RICTOR: variants seen among roughly 807,000 people sequenced by gnomAD.
RICTOR encodes the protein rapamycin-insensitive companion of mTOR.
RICTOR carries 49 observed loss-of-function variants against 214.9 expected under a neutral mutation model. That is an observed-to-expected ratio of 0.23 (90% CI 0.18 to 0.29). The LOEUF is 0.29. RICTOR is among the 10% of genes least tolerant of loss of function. RICTOR has a pLI of 1.00. For missense variants in RICTOR, 1,625 were observed against 2,047.0 expected, an observed-to-expected ratio of 0.79 and a Z score of 3.98; for synonymous variants, 717 against 711.3, an observed-to-expected ratio of 1.01 and a Z score of -0.13.
chr5:39,007,496 A>G (rs1239278), intron 3 of RICTOR, among the ~76,000 whole-genome samples: 5,027 of 152,182 alleles, frequency 0.033, 137 homozygotes, highest in South Asian at 0.082. Context: ...CAACATACGA[A>G]TTTTGACGAG....
intron 8 of RICTOR, among the ~76,000 whole-genome samples, chr5:38,979,083 A>C (rs917804787): frequency 2.0e-5 from 3 of 152,198 alleles, no homozygotes; most frequent in Non-Finnish European, 1.5e-5. Context: ...TTGCTGGTAT[A>C]AAGAAAATCC....
intron 7 of RICTOR, among the ~76,000 whole-genome samples, chr5:38,987,778 GTTCTT>G (rs1254464576): frequency 6.6e-6 from 1 of 151,904 alleles, no homozygotes; most frequent in African/African-American, 2.4e-5. Context: ...TGCTTCTCTA[GTTCTT>G]TTAATTGTAA....
Position 38,959,879 on chromosome 5 carries a change from A to G in RICTOR, c.1951T>C (p.Leu651=). ...KPERSLQNNG[L]LTTLSQHYFL... The stretch of plus-strand genomic sequence containing the variant: ...TAGTGTTGACTAAGGGTGGTCAATA[A>G]ACCATTATTTTGAAGACTTCTTTCG... Residue 651 remains leucine, a synonymous_variant, in exon 21 of 38, where the codon TTA becomes CTA. Coordinates refer to ENST00000357387, the MANE Select transcript of RICTOR (RefSeq NM_152756.5). 6.2e-7 allele frequency: 1 copy of G among 1,612,856 alleles called. No individual in the cohort carries two copies. The highest frequency in any genetic ancestry group is 8.5e-7 in the Non-Finnish European group (1 of 1,178,964).
chr5:38,998,053 A>C (rs559612072), intron 5 of RICTOR, among the ~76,000 whole-genome samples: 1 of 152,344 alleles, frequency 6.6e-6, no homozygotes, highest in South Asian at 2.1e-4. Context: ...TCTAAGAAAT[A>C]GGTAAAGGTT....
intron 2 of RICTOR, among the ~76,000 whole-genome samples, chr5:39,055,451 T>C (rs1239356506): frequency 2.2e-5 from 3 of 133,800 alleles, no homozygotes; most frequent in Admixed American, 7.8e-5. Flanking sequence ...TACCTGATTT[T>C]ACACTATTAA....
At position 38,940,488 on chromosome 5, in the gene RICTOR, C is replaced by T. The variant is rs1289235396; in HGVS notation, c.*1816G>A. ...TATCCAAGACCAAAGACCACGATGA[C>T]AGGCAACGTTCTTAGAAGTACTGTT... On this transcript the variant is annotated 3_prime_UTR_variant, in exon 38 of 38. Coordinates refer to ENST00000357387, the MANE Select transcript of RICTOR (RefSeq NM_152756.5). 1 of 232,642 alleles carries T rather than the reference C, an allele frequency of 4.3e-6. No homozygotes were observed. The highest frequency in any genetic ancestry group is 2.2e-5 in the African/African-American group (1 of 45,292). The allele number at this position is 232,642 out of a possible 1,614,324, so 14.4% of individuals were successfully genotyped here.
At chr5:38,956,860 G>A (rs1303416449) in intron 25 of RICTOR, among the ~76,000 whole-genome samples, 1 of 151,972 alleles carries the variant, frequency 6.6e-6, no homozygotes, top group Non-Finnish European at 1.5e-5. Flanking sequence ...AAGACTTCAT[G>A]CCTTAAGTTG....
intron 9 of RICTOR, among the ~76,000 whole-genome samples, chr5:38,977,244 C>T (rs940691408): frequency 1.3e-5 from 2 of 152,172 alleles, no homozygotes; most frequent in African/African-American, 4.8e-5. Flanking sequence ...ATCTGAATGA[C>T]CTTGGAAGTG....
At position 38,952,966 on chromosome 5, in the gene RICTOR, T is replaced by G. The variant is rs758124137; in HGVS notation, c.2897+19A>C. 3.5e-6 allele frequency: 5 copies of G among 1,444,494 alleles called. No individual in the cohort carries two copies. The East Asian group carries it at 6.8e-5, about 20-fold the overall frequency. The allele number at this position is 1,444,494 out of a possible 1,614,324, so 89.5% of individuals were successfully genotyped here. ...TAACAACGTCTACATTAGAAAGATT[T>G]CTGAGTTAAATGACCTACCCTCTGA... On this transcript the variant is annotated intron_variant, in intron 29 of 37. Transcript: ENST00000357387.
In RICTOR at chr5:38,950,530, G is replaced by A; in HGVS notation, c.3318C>T (p.Asn1106=). The change falls in exon 31 of 38, where the codon AAC becomes AAT. Residue 1106 remains asparagine (N), a synonymous_variant. Transcript: ENST00000357387. ...GATCACTGCTACTACGATGTTTTTT[G>A]TTAGGCAAAGTAAGCGAATTTAAGA... is the stretch of plus-strand genomic sequence containing the variant. ...NRILNSLTLP[N]KKHRSSSDPK... is the part of the protein sequence containing the mutation. The A allele has an allele frequency of 6.2e-7, 1 of 1,612,730 alleles. No homozygotes were observed. The highest frequency in any genetic ancestry group is 1.1e-5 in the South Asian group (1 of 90,938).
chr5:38,952,822 T>C (rs1409175698), intron 29 of RICTOR, among the ~76,000 whole-genome samples, 163 bp downstream of exon 29: 1 of 151,996 alleles, frequency 6.6e-6, no homozygotes, highest in Non-Finnish European at 1.5e-5. Flanking sequence ...AACAAGGAGT[T>C]CGTTTAGATG....
chr5:39,018,887 A>C (rs1309616677), intron 3 of RICTOR, among the ~76,000 whole-genome samples: 1 of 152,206 alleles, frequency 6.6e-6, no homozygotes, highest in Non-Finnish European at 1.5e-5. Flanking sequence ...TGAGACAAAC[A>C]GGTAGCCAAC....
At chr5:39,004,776 CTTTTTTTTT>C (rs70982534) in intron 3 of RICTOR, among the ~76,000 whole-genome samples, 4,540 of 105,856 alleles carry the variant, frequency 0.043, 133 homozygotes, top group South Asian at 0.11. Flanking sequence ...CTCTCAGACT[CTTTTTTTTT>C]TTTTTTTTTT....
intron 30 of RICTOR, among the ~76,000 whole-genome samples, chr5:38,951,372 G>A (rs948671651): frequency 3.3e-5 from 5 of 151,780 alleles, no homozygotes; most frequent in Non-Finnish European, 7.4e-5. Flanking sequence ...TTTCAAAGAA[G>A]GTAAAAGAAA....
At chr5:38,961,485 C>A (rs2150020887) in intron 19 of RICTOR, among the ~76,000 whole-genome samples, 1 of 152,214 alleles carries the variant, frequency 6.6e-6, no homozygotes, top group Non-Finnish European at 1.5e-5. Context: ...AACATTATAT[C>A]TTTCAACATT....
intron 5 of RICTOR, among the ~76,000 whole-genome samples, chr5:39,001,510 A>C (rs555033575): frequency 6.6e-6 from 1 of 152,092 alleles, no homozygotes; most frequent in Non-Finnish European, 1.5e-5. Flanking sequence ...GAAAACACAG[A>C]TCTCTTCCAA....
intron 14 of RICTOR, 22 bp from the exon 15 acceptor site, chr5:38,966,743 A>C: frequency 8.0e-7 from 1 of 1,244,620 alleles, no homozygotes; most frequent in Non-Finnish European, 1.2e-6. Context: ...AAAAGATAAC[A>C]CCACTGTTGC....
intron 2 of RICTOR, among the ~76,000 whole-genome samples, chr5:39,048,194 C>G (rs1360283591): frequency 2.0e-5 from 3 of 152,160 alleles, no homozygotes; most frequent in Non-Finnish European, 4.4e-5. Context: ...TCCAGGCCTA[C>G]TGAACCAGAC....
In RICTOR at chr5:38,998,702, A is replaced by G. The variant is rs565658033; in HGVS notation, c.393-1820T>C. ...AAGAAAAGATGAAGAAATGAAGCGG[A>G]GACCTGAAATCTTTAAATAAAACTA... On this transcript the variant is annotated intron_variant, in intron 5 of 37. Transcript: ENST00000357387. Among the ~76,000 whole-genome samples, 5 of 152,316 alleles carry G rather than the reference A, an allele frequency of 3.3e-5. No individual in the cohort carries two copies. The East Asian group carries it at 9.7e-4, about 29-fold the overall frequency.
Sources: allele counts gnomAD v4.1 joint callset (sites outside exome capture counted in the v4.1 genomes callset), GRCh38; gene constraint gnomAD v4.1.1; transcripts MANE v1.5; gene names NCBI Gene and HGNC (gene_info 2026-07-23, HGNC 2026-07-21).